The following WDR7 variants were observed in gnomAD, a reference collection of about 807,000 sequenced individuals.
WDR7 encodes WD repeat-containing protein 7.
A neutral mutation model predicts 169.4 loss-of-function variants in WDR7; 46 were observed. That is an observed-to-expected ratio of 0.27 (90% CI 0.21 to 0.35). The LOEUF (loss-of-function observed/expected upper bound fraction) is 0.35. Ranked by LOEUF, WDR7 falls within the 10% of genes least tolerant of loss-of-function variation. The pLI, the probability that WDR7 is intolerant of heterozygous loss-of-function variation, is 1.00. For synonymous variants in WDR7, 612 were observed against 666.8 expected (o/e 0.92, Z 1.27); for missense variants, 1,534 against 1,859.3 (o/e 0.83, Z 3.22).
At chr18:56,989,353 A>G (rs1229552422) in intron 26 of WDR7, among the ~76,000 whole-genome samples, 2 of 152,188 alleles carry the variant, frequency 1.3e-5, no homozygotes, top group African/African-American at 4.8e-5. Context: ...TTTCCAATAA[A>G]TGAATTATCT....
At chr18:56,966,265 A>C (rs2047407628) in intron 26 of WDR7, among the ~76,000 whole-genome samples, 1 of 152,040 alleles carries the variant, frequency 6.6e-6, no homozygotes, top group Non-Finnish European at 1.5e-5. Flanking sequence ...ATTTTTTTCA[A>C]TAAAAGTTAC....
At chr18:56,719,272 C>A (rs1662612928) in intron 13 of WDR7, among the ~76,000 whole-genome samples, 1 of 152,090 alleles carries the variant, frequency 6.6e-6, no homozygotes, top group African/African-American at 2.4e-5. Flanking sequence ...TTTTAAAAAA[C>A]AGAATTGCTG....
At chr18:56,782,677 A>G (rs2044336983) in intron 19 of WDR7, among the ~76,000 whole-genome samples, 1 of 152,172 alleles carries the variant, frequency 6.6e-6, no homozygotes. Context: ...TGAAATACTC[A>G]TTACACATGT....
chr18:56,993,027 C>T (rs558036421), intron 26 of WDR7, among the ~76,000 whole-genome samples: 4 of 152,152 alleles, frequency 2.6e-5, no homozygotes, highest in Non-Finnish European at 5.9e-5. Context: ...CTACACCTCC[C>T]AAACTCAAAC....
At chr18:57,024,208 A>G (rs1394152395) in intron 27 of WDR7, among the ~76,000 whole-genome samples, 1 of 152,132 alleles carries the variant, frequency 6.6e-6, no homozygotes, top group Admixed American at 6.5e-5. Context: ...TGCAATCAGG[A>G]AAAAGTGAAT....
chr18:56,994,377 G>A (rs2047865882), intron 26 of WDR7, among the ~76,000 whole-genome samples: 1 of 131,576 alleles, frequency 7.6e-6, no homozygotes. Flanking sequence ...TGTTATGTAT[G>A]TTCTGTTGAA....
chr18:56,681,513 A>G (rs1598957456), intron 4 of WDR7, 122 bp downstream of exon 4: 4 of 587,066 alleles, frequency 6.8e-6, no homozygotes, highest in African/African-American at 2.0e-5. Context: ...ACAAGACAAG[A>G]AAACTAGAAT....
In WDR7 at chr18:56,757,153, C is replaced by A; in HGVS notation, c.2560C>A (p.Pro854Thr). ...ACTGATGCTGCCGGGTTATAATCAG[C>A]CTGCTTGTAAACTGTCACATGGGAA... is the stretch of plus-strand genomic sequence containing the variant. ...MSLMLPGYNQ[P>T]ACKLSHGKTE... The change falls in exon 15 of 28, where the codon CCT (proline) becomes ACT (threonine). Residue 854 changes from proline to threonine, a missense_variant. By Grantham distance (38) the Pro-to-Thr change is conservative. Coordinates refer to ENST00000254442, the MANE Select transcript of WDR7 (RefSeq NM_015285.3). The A allele has an allele frequency of 6.2e-7, 1 of 1,614,050 alleles. No homozygotes were observed. The highest frequency in any genetic ancestry group is 8.5e-7 in the Non-Finnish European group (1 of 1,180,002).
At chr18:56,815,916 TA>T (rs2044959655) in intron 19 of WDR7, 114 bp from the exon 20 acceptor site, 5 of 798,748 alleles carry the variant, frequency 6.3e-6, no homozygotes, top group Non-Finnish European at 9.6e-6. Flanking sequence ...TGAACATATA[TA>T]TTTTTTAATG....
chr18:56,688,692 G>A (rs1210276163), intron 7 of WDR7, among the ~76,000 whole-genome samples: 1 of 151,674 alleles, frequency 6.6e-6, no homozygotes, highest in Non-Finnish European at 1.5e-5. Flanking sequence ...TTGCGGCACT[G>A]CACTCCAGCC....
At position 56,790,052 on chromosome 18, in the gene WDR7, G is replaced by A. The variant is rs575814092; in HGVS notation, c.3190+8396G>A. Among the ~76,000 whole-genome samples, 73 of 152,282 alleles carry A rather than the reference G, an allele frequency of 4.8e-4. 1 individual carries two copies. The South Asian group carries it at 0.015, about 32-fold the overall frequency. On this transcript the variant is annotated intron_variant, in intron 19 of 27. Transcript: ENST00000254442. ...TATTGATTTGTGCCATTATTCTGTAGCTGATTTGCTGAAGAACAAAAATTT... is the reference window on the plus strand; with the variant it reads ...TATTGATTTGTGCCATTATTCTGTAACTGATTTGCTGAAGAACAAAAATTT...
At chr18:56,692,084 A>C (rs1482888071) in intron 9 of WDR7, among the ~76,000 whole-genome samples, 2 of 152,218 alleles carry the variant, frequency 1.3e-5, no homozygotes, top group Admixed American at 1.3e-4. Flanking sequence ...TTTTTGATGA[A>C]GTTCATATTG....
intron 20 of WDR7, among the ~76,000 whole-genome samples, chr18:56,828,695 A>T (rs1197980619): frequency 1.3e-5 from 2 of 152,204 alleles, no homozygotes; most frequent in Non-Finnish European, 2.9e-5. Context: ...CTTGCAAAGG[A>T]TGGTTTGTCA....
Position 56,718,032 on chromosome 18 carries a change from G to GA in WDR7, c.1653dup (p.Cys552MetfsTer21). 6.2e-7 allele frequency: 1 copy of GA among 1,614,122 alleles called. No homozygotes were observed. Among genetic ancestry groups the GA allele is most frequent in the Non-Finnish European group, 8.5e-7 (1 of 1,179,988 alleles). Reference sequence around the variant, plus strand: ...CAGTAGGACTTCTAAGTTTGCGAGAGAAAAAATGCATAATGTTGGCATCTC... The same window carrying GA: ...CAGTAGGACTTCTAAGTTTGCGAGAGAAAAAAATGCATAATGTTGGCATCTC... On this transcript the variant is annotated frameshift_variant, in exon 13 of 28. Transcript: ENST00000254442. LOFTEE classifies it high-confidence loss of function.
intron 12 of WDR7, among the ~76,000 whole-genome samples, chr18:56,710,502 ATTCTACC>A (rs1188554376): frequency 6.6e-6 from 1 of 152,156 alleles, no homozygotes; most frequent in East Asian, 1.9e-4. Flanking sequence ...TTACTTAGCA[ATTCTACC>A]TTGGGTATTT....
chr18:56,918,356 T>C (rs9807701), intron 21 of WDR7, among the ~76,000 whole-genome samples: 123,424 of 152,004 alleles, frequency 0.81, 50,582 homozygotes, highest in East Asian at 0.98. Context: ...GGTCTTACTG[T>C]TTGTGTTACT....
rs560317921 is a variant in WDR7, at chr18:56,882,053, C to T, written c.3526+1888C>T. The stretch of plus-strand genomic sequence containing the variant: ...ACCGTTTCCCTTCTCCACCTGGGCA[C>T]ATTACTCTCCCTCTACGGCCAACAA... On this transcript the variant is annotated intron_variant, in intron 21 of 27. Coordinates refer to ENST00000254442, the MANE Select transcript of WDR7 (RefSeq NM_015285.3). Among the ~76,000 whole-genome samples the T allele has an allele frequency of 8.5e-5, 13 of 152,324 alleles. No homozygotes were observed. In the South Asian group the frequency reaches 2.7e-3, roughly 32 times the overall value.
At chr18:56,833,355 T>C (rs2045346625) in intron 20 of WDR7, among the ~76,000 whole-genome samples, 1 of 152,012 alleles carries the variant, frequency 6.6e-6, no homozygotes, top group East Asian at 1.9e-4. Flanking sequence ...TATGGGACTA[T>C]GGGACTATGG....
chr18:56,851,406 G>A (rs1366234480), intron 20 of WDR7, among the ~76,000 whole-genome samples: 1 of 152,050 alleles, frequency 6.6e-6, no homozygotes, highest in Non-Finnish European at 1.5e-5. Flanking sequence ...TTTCTGAAAC[G>A]ATTTTCCTGT....
Sources: gnomAD v4.1 joint callset for allele counts (sites outside exome capture counted in the v4.1 genomes callset) on GRCh38, gnomAD v4.1.1 for gene constraint, MANE v1.5 for transcripts, NCBI Gene and HGNC (gene_info 2026-07-23, HGNC 2026-07-21) for gene names.